The following EFL1 variants were observed in gnomAD, a reference collection of about 807,000 sequenced individuals.
The protein encoded by EFL1 is elongation factor-like GTPase 1.
In EFL1, 76 loss-of-function variants were observed where a neutral mutation model predicts 126.7. That is an observed-to-expected ratio of 0.60 (90% confidence interval 0.50 to 0.73). The LOEUF (loss-of-function observed/expected upper bound fraction) is 0.73. Ranked by LOEUF, EFL1 falls within the 30% of genes least tolerant of loss-of-function variation. The probability of loss-of-function intolerance (pLI) is 0.00; values close to 1 mark genes in which losing one functional copy is unlikely to be tolerated. For synonymous variants in EFL1, 410 were observed against 448.4 expected, an observed-to-expected ratio of 0.91 and a Z score of 1.08; for missense variants, 1,128 against 1,343.2, an observed-to-expected ratio of 0.84 and a Z score of 2.50.
At chr15:82,169,952 T>C (rs1159518081) in intron 15 of EFL1, among the ~76,000 whole-genome samples, 1 of 152,076 alleles carries the variant, frequency 6.6e-6, no homozygotes, top group Non-Finnish European at 1.5e-5. Context: ...GTGACACATC[T>C]TATAATAGGA....
chr15:82,138,026 T>A (rs757819106), intron 19 of EFL1, among the ~76,000 whole-genome samples: 1 of 152,184 alleles, frequency 6.6e-6, no homozygotes, highest in Non-Finnish European at 1.5e-5. Flanking sequence ...GCAATGTGGA[T>A]CTGTTAAGTT....
chr15:82,155,317 G>A (rs2073956166), intron 17 of EFL1, among the ~76,000 whole-genome samples: 1 of 151,944 alleles, frequency 6.6e-6, no homozygotes, highest in Non-Finnish European at 1.5e-5. Flanking sequence ...GCCTGGCCAA[G>A]ATGGTGAAAC....
intron 12 of EFL1, 118 bp from the exon 13 acceptor site, chr15:82,220,347 T>C: frequency 4.7e-6 from 6 of 1,263,184 alleles, no homozygotes; most frequent in Non-Finnish European, 6.5e-6. Context: ...GGCAATTTTG[T>C]CCAAGTCCTC....
intron 4 of EFL1, among the ~76,000 whole-genome samples, chr15:82,245,348 G>C (rs529987415): frequency 6.6e-6 from 1 of 151,886 alleles, no homozygotes; most frequent in Non-Finnish European, 1.5e-5. Flanking sequence ...CTGTGTTGCC[G>C]TGGCAGGTCT....
At position 82,152,184 on chromosome 15, in the gene EFL1, G is replaced by A; in HGVS notation, c.2270C>T (p.Pro757Leu). 6.2e-7 allele frequency: 1 copy of A among 1,614,120 alleles called. No homozygotes were observed. Among genetic ancestry groups the A allele is most frequent in the Non-Finnish European group, 8.5e-7 (1 of 1,180,032 alleles). ...KLATLSVRAM[P>L]LPEEVTQILE... is the part of the protein sequence containing the mutation. Reference sequence around the variant, plus strand: ...AATCTGGGTGACTTCTTCTGGAAGGGGCATGGCTCGAACACTGAGCGTGGC... The same window carrying A: ...AATCTGGGTGACTTCTTCTGGAAGGAGCATGGCTCGAACACTGAGCGTGGC... Residue 757 changes from proline to leucine, a missense_variant, in exon 18 of 20, where the codon CCC becomes CTC. By Grantham distance (98) the Pro-to-Leu change is moderately conservative. Around this residue, in one of 6 missense-constraint regions of EFL1, gnomAD observed 561 missense variants for 641.7 expected, o/e 0.87. Transcript: ENST00000268206.
intron 11 of EFL1, 144 bp from the exon 12 acceptor site, chr15:82,225,408 GA>G: frequency 1.7e-6 from 1 of 584,372 alleles, no homozygotes; most frequent in South Asian, 3.5e-5. Context: ...TTCCAACTAT[GA>G]TAAAAATTTT....
intron 15 of EFL1, among the ~76,000 whole-genome samples, chr15:82,192,461 T>C (rs2074369368): frequency 6.6e-6 from 1 of 151,344 alleles, no homozygotes; most frequent in African/African-American, 2.4e-5. Context: ...TGAAAACGTA[T>C]GGAACCTACC....
chr15:82,250,134 C>A (rs533145632), intron 4 of EFL1, among the ~76,000 whole-genome samples: 2 of 147,320 alleles, frequency 1.4e-5, no homozygotes, highest in Non-Finnish European at 3.0e-5. Flanking sequence ...CCCCTTCAGA[C>A]GTCCCACCTT....
In EFL1 at chr15:82,130,454, T is replaced by A. The variant is rs1207724081; in HGVS notation, c.3282A>T (p.Val1094=). 1 of 1,614,106 alleles carries A rather than the reference T, an allele frequency of 6.2e-7. No individual in the cohort carries two copies. The highest frequency in any genetic ancestry group is 1.3e-5 in the African/African-American group (1 of 74,930). The change falls in exon 20 of 20, where the codon GTA becomes GTT. Residue 1094 remains valine, a synonymous_variant. Coordinates refer to ENST00000268206, the MANE Select transcript of EFL1 (RefSeq NM_024580.6). ...ENQARKYMNA[V]RKRKGLYVEE... ...CCACATAAAGCCCCTTCCGCTTTCG[T>A]ACTGCGTTCATGTACTTCCGGGCTT...
Position 82,200,075 on chromosome 15 carries a change from CA to C in EFL1, c.1750+14641del, listed in dbSNP as rs200839416. Reference sequence around the variant, plus strand: ...GGTAGTGAAACAGCGGGGAAGGAAGCAGGGGCAGGGGCAAGTTTATTTGATA... The same window carrying C: ...GGTAGTGAAACAGCGGGGAAGGAAGCGGGGCAGGGGCAAGTTTATTTGATA... On this transcript the variant is annotated intron_variant, in intron 15 of 19. Transcript: ENST00000268206. Among the ~76,000 whole-genome samples, 500 of 152,234 alleles carry C rather than the reference CA, an allele frequency of 3.3e-3. 2 individuals carry two copies. The highest frequency in any genetic ancestry group is 0.015 in the East Asian group (79 of 5,162).
Position 82,223,013 on chromosome 15 carries a change from T to C in EFL1, c.1292+2152A>G, listed in dbSNP as rs1230640562. On this transcript the variant is annotated intron_variant, in intron 12 of 19. Transcript: ENST00000268206. Reference sequence around the variant, plus strand: ...TTCATTTACAACCACAGTGGCACTGTTGAGCAGTGAGTAAAGGTCAGTGTC... The same window carrying C: ...TTCATTTACAACCACAGTGGCACTGCTGAGCAGTGAGTAAAGGTCAGTGTC... Among the ~76,000 whole-genome samples the C allele has an allele frequency of 2.0e-4, 30 of 152,294 alleles. 1 individual carries two copies. In the South Asian group the frequency reaches 5.2e-3, roughly 26 times the overall value.
chr15:82,159,034 A>C (rs2141236892), intron 16 of EFL1, among the ~76,000 whole-genome samples: 1 of 152,348 alleles, frequency 6.6e-6, no homozygotes, highest in South Asian at 2.1e-4. Context: ...CTTGTAGGTC[A>C]GGTGATCAAA....
intron 15 of EFL1, among the ~76,000 whole-genome samples, chr15:82,186,609 T>C (rs1001023511): frequency 2.3e-4 from 35 of 152,182 alleles, no homozygotes; most frequent in African/African-American, 8.2e-4. Flanking sequence ...CGATTATAAA[T>C]TTATGTGATT....
chr15:82,223,569 G>C (rs148118570), intron 12 of EFL1, among the ~76,000 whole-genome samples: 77 of 152,286 alleles, frequency 5.1e-4, no homozygotes, highest in Non-Finnish European at 8.4e-4. Context: ...AGGATGGGTA[G>C]AGCTAGGAAT....
At chr15:82,203,315 AT>A (rs961778556) in intron 15 of EFL1, among the ~76,000 whole-genome samples, 11 of 152,082 alleles carry the variant, frequency 7.2e-5, no homozygotes, top group African/African-American at 2.7e-4. Context: ...GCATTTATTT[AT>A]TTTTTATTGC....
At chr15:82,176,289 T>C (rs1345438870) in intron 15 of EFL1, among the ~76,000 whole-genome samples, 1 of 152,160 alleles carries the variant, frequency 6.6e-6, no homozygotes, top group Non-Finnish European at 1.5e-5. Flanking sequence ...AGCAGATTTC[T>C]TAAACAAGAC....
At chr15:82,228,605 G>A (rs1204900693) in intron 9 of EFL1, among the ~76,000 whole-genome samples, 1 of 152,110 alleles carries the variant, frequency 6.6e-6, no homozygotes, top group Non-Finnish European at 1.5e-5. Context: ...ACAAATAAGT[G>A]CTAACAAGTC....
intron 19 of EFL1, among the ~76,000 whole-genome samples, chr15:82,131,556 T>G (rs1429691865): frequency 1.3e-5 from 2 of 152,190 alleles, no homozygotes; most frequent in Non-Finnish European, 2.9e-5. Flanking sequence ...TGGGGGAGGC[T>G]GAGGCAGGTG....
At chr15:82,195,260 C>G (rs2074397190) in intron 15 of EFL1, among the ~76,000 whole-genome samples, 1 of 152,144 alleles carries the variant, frequency 6.6e-6, no homozygotes, top group Non-Finnish European at 1.5e-5. Flanking sequence ...CCAGAAAACA[C>G]TCAAAGTTAC....
Sources: gnomAD v4.1 joint callset for allele counts (sites outside exome capture counted in the v4.1 genomes callset) on GRCh38, gnomAD v4.1.1 for gene constraint, gnomAD v4.1.1 regional missense constraint, MANE v1.5 for transcripts, NCBI Gene and HGNC (gene_info 2026-07-23, HGNC 2026-07-21) for gene names.